Variants in RBFOX1 observed in about 807,000 individuals in gnomAD.
RBFOX1 encodes RNA binding fox-1 homolog 1, also known as RNA binding protein fox-1 homolog 1.
RBFOX1 carries 8 observed loss-of-function variants against 57.7 expected under a neutral mutation model. That is an observed-to-expected ratio of 0.14 (90% CI 0.08 to 0.25). RBFOX1 has a LOEUF of 0.25. RBFOX1 is among the 10% of genes least tolerant of loss of function. The pLI is 1.00. For missense variants in RBFOX1, 611 were observed against 548.5 expected (o/e 1.11, Z -1.14); for synonymous variants, 326 against 222.4 (o/e 1.47, Z -4.15).
intron 4 of RBFOX1, among the ~76,000 whole-genome samples, chr16:7,482,985 A>G (rs1466421307): frequency 1.3e-5 from 2 of 152,108 alleles, no homozygotes; most frequent in South Asian, 2.1e-4. Flanking sequence ...AAATGTGCCT[A>G]TGATTGTCAG....
chr16:6,386,225 A>G (rs2092271867), intron 2 of RBFOX1, among the ~76,000 whole-genome samples: 1 of 152,104 alleles, frequency 6.6e-6, no homozygotes, highest in African/African-American at 2.4e-5. Flanking sequence ...GTAAGAACAC[A>G]TTTCTAAGCT....
At chr16:7,366,111 C>T (rs941933421) in intron 4 of RBFOX1, among the ~76,000 whole-genome samples, 3 of 148,962 alleles carry the variant, frequency 2.0e-5, no homozygotes, top group African/African-American at 7.4e-5. Flanking sequence ...AGAGCTGGGT[C>T]ATGTGGCACA....
At chr16:5,587,391 C>T (rs1262814345) in intron 2 of RBFOX1, among the ~76,000 whole-genome samples, 1 of 152,246 alleles carries the variant, frequency 6.6e-6, no homozygotes, top group Non-Finnish European at 1.5e-5. Context: ...TACCACTGCA[C>T]ACCCATTAGA....
At chr16:6,196,323 A>G (rs1333553493) in intron 1 of RBFOX1, among the ~76,000 whole-genome samples, 1 of 152,206 alleles carries the variant, frequency 6.6e-6, no homozygotes, top group African/African-American at 2.4e-5. Flanking sequence ...GTTACTGGAT[A>G]TGTTATTTTG....
intron 3 of RBFOX1, among the ~76,000 whole-genome samples, chr16:5,754,742 G>A (rs1196317063): frequency 3.8e-5 from 1 of 26,176 alleles, no homozygotes. Context: ...TTACAAAGCA[G>A]TATTGCTGCC....
intron 2 of RBFOX1, among the ~76,000 whole-genome samples, chr16:6,381,293 T>C (rs2091789216): frequency 6.6e-6 from 1 of 152,224 alleles, no homozygotes. Flanking sequence ...GTAAACATTG[T>C]ACCCAAAAGG....
intron 1 of RBFOX1, among the ~76,000 whole-genome samples, chr16:5,327,111 T>C (rs2064598551): frequency 6.6e-6 from 1 of 152,206 alleles, no homozygotes; most frequent in South Asian, 2.1e-4. Context: ...GAATACTTAT[T>C]ATTTATGGAA....
intron 1 of RBFOX1, among the ~76,000 whole-genome samples, chr16:6,212,959 G>A (rs749863844): frequency 2.0e-5 from 3 of 152,244 alleles, no homozygotes; most frequent in Non-Finnish European, 4.4e-5. Flanking sequence ...AGACCTGAAC[G>A]GCCTTTTCCC....
At chr16:7,556,844 C>T (rs9930414) in intron 5 of RBFOX1, among the ~76,000 whole-genome samples, 43,639 of 152,084 alleles carry the variant, frequency 0.29, 6,970 homozygotes, top group Non-Finnish European at 0.36. Flanking sequence ...TTTGTTGAAT[C>T]AGATATAAAG....
chr16:6,920,770 G>T (rs2074285624), intron 3 of RBFOX1, among the ~76,000 whole-genome samples: 1 of 152,102 alleles, frequency 6.6e-6, no homozygotes, highest in Non-Finnish European at 1.5e-5. Context: ...CTGTCTCTGT[G>T]TGTGTCTTCT....
intron 1 of RBFOX1, among the ~76,000 whole-genome samples, chr16:5,353,150 G>A (rs540288768): frequency 9.9e-5 from 15 of 152,228 alleles, no homozygotes; most frequent in African/African-American, 3.4e-4. Flanking sequence ...GAGGTGGGTG[G>A]ATCACCTGAG....
upstream of RBFOX1, among the ~76,000 whole-genome samples, chr16:6,016,337 G>C (rs1289890891): frequency 6.6e-6 from 1 of 152,170 alleles, no homozygotes; most frequent in East Asian, 1.9e-4. Flanking sequence ...CTAAACAGAA[G>C]CTATCCAGGA....
At chr16:7,694,538 C>T (rs118177395) in intron 14 of RBFOX1, among the ~76,000 whole-genome samples, 7 of 152,212 alleles carry the variant, frequency 4.6e-5, no homozygotes, top group Non-Finnish European at 1.0e-4. Context: ...ATGATGCATG[C>T]TGACATTTTA....
chr16:5,681,753 G>A (rs927820614), intron 3 of RBFOX1, among the ~76,000 whole-genome samples: 2 of 152,094 alleles, frequency 1.3e-5, no homozygotes, highest in African/African-American at 4.8e-5. Flanking sequence ...ACGAGAAGGG[G>A]ATATTTCAGG....
At chr16:7,676,884 T>C in intron 14 of RBFOX1, 46 bp downstream of exon 14, 2 of 1,529,788 alleles carry the variant, frequency 1.3e-6, no homozygotes, top group Non-Finnish European at 1.8e-6. Context: ...GTAAATTAAC[T>C]TAGTTGATGG....
At chr16:7,709,913 GATC>G (rs2083679976) in intron 15 of RBFOX1, 1 of 1,057,416 alleles carries the variant, frequency 9.5e-7, no homozygotes, top group African/African-American at 1.7e-5. Flanking sequence ...TTTCTGCTTG[GATC>G]AAGAATATCA....
At chr16:7,127,972 G>C (rs553655033) in intron 4 of RBFOX1, among the ~76,000 whole-genome samples, 20 of 152,268 alleles carry the variant, frequency 1.3e-4, no homozygotes, top group South Asian at 1.2e-3. Context: ...AAAGAGGCTG[G>C]GTTCAGATGC....
intron 1 of RBFOX1, among the ~76,000 whole-genome samples, chr16:5,374,522 G>C (rs1407943356): frequency 6.6e-6 from 1 of 152,144 alleles, no homozygotes; most frequent in African/African-American, 2.4e-5. Context: ...GTTTTATCTG[G>C]AAGAATCACA....
intron 3 of RBFOX1, among the ~76,000 whole-genome samples, chr16:6,885,382 T>G (rs910098901): frequency 6.6e-6 from 1 of 152,144 alleles, no homozygotes; most frequent in Non-Finnish European, 1.5e-5. Context: ...CGAAGCATGC[T>G]CATGAGTCAA....
Sources: allele counts gnomAD v4.1 joint callset (sites outside exome capture counted in the v4.1 genomes callset), GRCh38; gene constraint gnomAD v4.1.1; transcripts MANE v1.5; gene names NCBI Gene and HGNC (gene_info 2026-07-23, HGNC 2026-07-21).